Variants in GPRASP1 observed in about 807,000 individuals in gnomAD.
GPRASP1 encodes the protein G protein-coupled receptor-associated sorting protein 1.
GPRASP1 carries 28 observed loss-of-function variants against 68.4 expected under a neutral mutation model. That is an observed-to-expected ratio of 0.41 (90% CI 0.30 to 0.56). GPRASP1 has a LOEUF of 0.56. GPRASP1 is among the 20% of genes least tolerant of loss of function. The probability of loss-of-function intolerance (pLI) is 0.29; values close to 1 mark genes in which losing one functional copy is unlikely to be tolerated. For synonymous variants in GPRASP1, 304 were observed against 358.2 expected, an observed-to-expected ratio of 0.85 and a Z score of 1.71; for missense variants, 913 against 1,031.5, an observed-to-expected ratio of 0.89 and a Z score of 1.57.
In GPRASP1 at chrX:102,654,527, G is replaced by C; in HGVS notation, c.614G>C (p.Ser205Thr). The change falls in exon 6 of 6, where the codon AGT (serine) becomes ACT (threonine). Residue 205 changes from serine to threonine, a missense_variant. By Grantham distance (58) the Ser-to-Thr change is moderately conservative. Transcript: ENST00000537097. ...VDKSVSSLFWSGDEVTAKFHP... is the reference protein window; with the variant it reads ...VDKSVSSLFWTGDEVTAKFHP... ...AAATCTGTGAGTTCCTTGTTCTGGA[G>C]TGGAGATGAGGTCACTGCAAAATTT... 1 of 1,210,748 alleles carries C rather than the reference G, an allele frequency of 8.3e-7. No homozygotes were observed. Among genetic ancestry groups the C allele is most frequent in the Non-Finnish European group, 1.1e-6 (1 of 894,502 alleles).
At position 102,654,133 on chromosome X, in the gene GPRASP1, G is replaced by A. The variant is rs201819904; in HGVS notation, c.220G>A (p.Ala74Thr). ...AGTTGAGACAAGTGCAGTGGGTGGG[G>A]CACGCCCTAAGAGTAAGGCCAAGGC... ...TKVETSAVGGARPKSKAKAIP... is the reference protein window; with the variant it reads ...TKVETSAVGGTRPKSKAKAIP... The change falls in exon 6 of 6, where the codon GCA becomes ACA. Residue 74 changes from alanine to threonine, a missense_variant. Physicochemically the swap from Ala to Thr is moderately conservative, Grantham distance 58. Transcript: ENST00000537097. 1 of 1,210,363 alleles carries A rather than the reference G, an allele frequency of 8.3e-7. No homozygotes were observed. The highest frequency in any genetic ancestry group is 1.7e-5 in the African/African-American group (1 of 57,469).
intron 5 of GPRASP1, 69 bp downstream of exon 5, chrX:102,653,367 G>C (rs1476559366): frequency 8.8e-6 from 1 of 113,598 alleles, no homozygotes; most frequent in Non-Finnish European, 1.8e-5. Context: ...GAGTGCTTAG[G>C]GTCCAATCTG....
Position 102,656,718 on chromosome X carries a change from G to A in GPRASP1, c.2805G>A (p.Met935Ile), listed in dbSNP as rs781515375. ...CCAAGCCAGAGGATGATGAAGAGAT[G>A]ATTGTTGAGTCCTGGTTCTGGTCTA... ...CVSKPEDDEE[M>I]IVESWFWSRD... Residue 935 changes from methionine (M) to isoleucine (I), a missense_variant, in exon 6 of 6, where the codon ATG (methionine) becomes ATA (isoleucine). Physicochemically the swap from Met to Ile is conservative, Grantham distance 10. Coordinates refer to ENST00000537097, the MANE Select transcript of GPRASP1 (RefSeq NM_001184727.2). 1.3e-5 allele frequency: 16 copies of A among 1,209,005 alleles called. No individual in the cohort carries two copies. The highest frequency in any genetic ancestry group is 1.8e-5 in the Non-Finnish European group (16 of 894,706).
rs144517011 is a variant in GPRASP1 at position 102,656,973 on chromosome X, C to G, written c.3060C>G (p.Pro1020=). 8.3e-6 allele frequency: 10 copies of G among 1,209,243 alleles called. No individual in the cohort carries two copies. The highest frequency in any genetic ancestry group is 1.1e-5 in the Non-Finnish European group (10 of 894,833). ...DEAHFESNPS[P]VFRAICRSTC... ...CCCATTTTGAATCAAATCCTAGCCC[C>G]GTGTTCAGGGCCATTTGCAGGTCCA... The change falls in exon 6 of 6, where the codon CCC becomes CCG. Residue 1020 remains proline (P), a synonymous_variant. Transcript: ENST00000537097.
rs938746774 is a variant in GPRASP1, at chrX:102,656,400, C to T, written c.2487C>T (p.Cys829=). 8.3e-7 allele frequency: 1 copy of T among 1,206,947 alleles called. No homozygotes were observed. Residue 829 remains cysteine, a synonymous_variant, in exon 6 of 6, where the codon TGC becomes TGT. Coordinates refer to ENST00000537097, the MANE Select transcript of GPRASP1 (RefSeq NM_001184727.2). ...EETIRREAGS[C]SKSSPKAEEE... is the part of the protein sequence containing the mutation. ...CCATTAGAAGAGAGGCTGGGTCTTG[C>T]AGCAAATCCAGTCCTAAAGCTGAAG...
intron 2 of GPRASP1, 44 bp downstream of exon 2, chrX:102,651,777 G>A (rs1019451792): frequency 8.9e-6 from 1 of 112,841 alleles, no homozygotes; most frequent in Non-Finnish European, 1.9e-5. Context: ...GGCGGTGACT[G>A]GTGCGGGCCA....
chrX:102,654,956 T>C lies in GPRASP1; in HGVS notation c.1043T>C (p.Ile348Thr), dbSNP rs1186429918. 1.7e-6 allele frequency: 2 copies of C among 1,209,066 alleles called. No individual in the cohort carries two copies. The highest frequency in any genetic ancestry group is 2.2e-5 in the Admixed American group (1 of 45,834). Residue 348 changes from isoleucine to threonine, a missense_variant, in exon 6 of 6, where the codon ATA becomes ACA. Ile to Thr is a moderately conservative substitution (Grantham distance 89). Transcript: ENST00000537097. ...EACIDFMPGS[I>T]DVIKKESCFW... Reference sequence around the variant, plus strand: ...TGCATTGATTTCATGCCTGGGTCTATAGATGTAATTAAAAAAGAGTCCTGT... The same window carrying C: ...TGCATTGATTTCATGCCTGGGTCTACAGATGTAATTAAAAAAGAGTCCTGT...
Position 102,657,317 on chromosome X carries a change from C to T in GPRASP1, c.3404C>T (p.Thr1135Ile). 1.7e-6 allele frequency: 2 copies of T among 1,211,188 alleles called. No individual in the cohort carries two copies. Among genetic ancestry groups the T allele is most frequent in the Non-Finnish European group, 2.2e-6 (2 of 895,081 alleles). The change falls in exon 6 of 6, where the codon ACA becomes ATA. Residue 1135 changes from threonine (T) to isoleucine (I), a missense_variant. Coordinates refer to ENST00000537097, the MANE Select transcript of GPRASP1 (RefSeq NM_001184727.2). Reference protein sequence around the residue: ...IREHLRAKESTEPESSSCNCI... With the variant: ...IREHLRAKESIEPESSSCNCI... Reference sequence around the variant, plus strand: ...GAGCATCTTAGGGCCAAGGAGAGTACAGAGCCTGAGAGTTCATCCTGTAAC... The same window carrying T: ...GAGCATCTTAGGGCCAAGGAGAGTATAGAGCCTGAGAGTTCATCCTGTAAC...
intron 2 of GPRASP1, among the ~76,000 whole-genome samples, 197 bp downstream of exon 2, chrX:102,651,930 G>A (rs1476372608): frequency 1.8e-5 from 2 of 112,657 alleles, no homozygotes; most frequent in East Asian, 2.8e-4. Context: ...CGGCTGTGGG[G>A]GAGGCTCCTG....
Position 102,655,467 on chromosome X carries a change from T to C in GPRASP1, c.1554T>C (p.Phe518=). 8.3e-7 allele frequency: 1 copy of C among 1,211,266 alleles called. No individual in the cohort carries two copies. Among genetic ancestry groups the C allele is most frequent in the Non-Finnish European group, 1.1e-6 (1 of 895,255 alleles). Residue 518 remains phenylalanine, a synonymous_variant, in exon 6 of 6, where the codon TTT becomes TTC. Coordinates refer to ENST00000537097, the MANE Select transcript of GPRASP1 (RefSeq NM_001184727.2). ...VNQEAEEETI[F]GSWFWVIDAA... is the part of the protein sequence containing the mutation. The stretch of plus-strand genomic sequence containing the variant: ...AAGAGGCTGAGGAAGAGACCATTTT[T>C]GGGTCGTGGTTCTGGGTCATTGATG...
chrX:102,654,019 G>C lies in GPRASP1; in HGVS notation c.106G>C (p.Val36Leu). Residue 36 changes from valine (V) to leucine (L), a missense_variant, in exon 6 of 6, where the codon GTC becomes CTC. Val to Leu is a conservative substitution (Grantham distance 32, BLOSUM62 1). Transcript: ENST00000537097. ...AEIENDVPLV[V>L]RPKVRTQAQI... Reference sequence around the variant, plus strand: ...GATAGAGAATGATGTCCCTCTGGTGGTCAGACCCAAGGTTAGGACCCAGGC... The same window carrying C: ...GATAGAGAATGATGTCCCTCTGGTGCTCAGACCCAAGGTTAGGACCCAGGC... 1 of 1,211,507 alleles carries C rather than the reference G, an allele frequency of 8.3e-7. No individual in the cohort carries two copies. Among genetic ancestry groups the C allele is most frequent in the Non-Finnish European group, 1.1e-6 (1 of 894,967 alleles).
In GPRASP1 at chrX:102,657,113, CCTT is replaced by C; in HGVS notation, c.3201_3203del (p.Phe1068del). ...AGGGTCGGCTTCCCATCTATAAGCCCCTTTAGATTTCCGAAAGAGGCAGCATCT... is the reference window on the plus strand; with the variant it reads ...AGGGTCGGCTTCCCATCTATAAGCCCTAGATTTCCGAAAGAGGCAGCATCT... On this transcript the variant is annotated inframe_deletion, in exon 6 of 6. Transcript: ENST00000537097. 8.3e-7 allele frequency: 1 copy of C among 1,209,584 alleles called. No homozygotes were observed. Among genetic ancestry groups the C allele is most frequent in the Non-Finnish European group, 1.1e-6 (1 of 893,734 alleles).
chrX:102,654,594 C>T lies in GPRASP1; in HGVS notation c.681C>T (p.His227=). 8.3e-7 allele frequency: 1 copy of T among 1,209,780 alleles called. No homozygotes were observed. Among genetic ancestry groups the T allele is most frequent in the Non-Finnish European group, 1.1e-6 (1 of 893,704 alleles). The part of the protein sequence containing the change: ...NRVKDSNRSM[H]MANQEANTMS... Reference sequence around the variant, plus strand: ...TAAAAGACAGTAACAGATCCATGCACATGGCCAATCAAGAGGCTAATACCA... The same window carrying T: ...TAAAAGACAGTAACAGATCCATGCATATGGCCAATCAAGAGGCTAATACCA... The change falls in exon 6 of 6, where the codon CAC becomes CAT. Residue 227 remains histidine (H), a synonymous_variant. Coordinates refer to ENST00000537097, the MANE Select transcript of GPRASP1 (RefSeq NM_001184727.2).
Position 102,656,684 on chromosome X carries a change from G to A in GPRASP1, c.2771G>A (p.Cys924Tyr). The change falls in exon 6 of 6, where the codon TGC becomes TAC. Residue 924 changes from cysteine (C) to tyrosine (Y), a missense_variant. Transcript: ENST00000537097. ...GKEVSEEAGP[C>Y]CVSKPEDDEE... Reference sequence around the variant, plus strand: ...GAAGTCAGTGAAGAAGCAGGACCATGCTGTGTATCCAAGCCAGAGGATGAT... The same window carrying A: ...GAAGTCAGTGAAGAAGCAGGACCATACTGTGTATCCAAGCCAGAGGATGAT... 1.2e-5 allele frequency: 15 copies of A among 1,210,847 alleles called. No individual in the cohort carries two copies. The highest frequency in any genetic ancestry group is 1.7e-5 in the Non-Finnish European group (15 of 894,697).
chrX:102,653,854 G>A lies in GPRASP1; in HGVS notation c.-60G>A. ...GAAGAAACAAACCTGTGACAGATCT[G>A]TGGTTGAGGTTTAGACTGGGGGAGG... On this transcript the variant is annotated 5_prime_UTR_variant, in exon 6 of 6. In the 5' UTR this introduces an upstream ATG that the reference lacks. Coordinates refer to ENST00000537097, the MANE Select transcript of GPRASP1 (RefSeq NM_001184727.2). The A allele has an allele frequency of 1.1e-6, 1 of 896,367 alleles. No homozygotes were observed. Among genetic ancestry groups the A allele is most frequent in the Non-Finnish European group, 1.6e-6 (1 of 630,525 alleles). The allele number at this position is 896,367 out of a possible 1,213,427, so 73.9% of individuals were successfully genotyped here.
In GPRASP1 at chrX:102,657,976, T is replaced by C; in HGVS notation, c.4063T>C (p.Phe1355Leu). Reference sequence around the variant, plus strand: ...CAACAATATCAAAAAAGAAACAGTGTTCTCTGATGATGATTTCAATATTGA... The same window carrying C: ...CAACAATATCAAAAAAGAAACAGTGCTCTCTGATGATGATTTCAATATTGA... ...IGNNIKKETV[F>L]SDDDFNIEPL... Residue 1355 changes from phenylalanine (F) to leucine (L), a missense_variant, in exon 6 of 6, where the codon TTC becomes CTC. Transcript: ENST00000537097. 1 of 1,181,091 alleles carries C rather than the reference T, an allele frequency of 8.5e-7. No homozygotes were observed. The highest frequency in any genetic ancestry group is 1.2e-6 in the Non-Finnish European group (1 of 867,889).
In GPRASP1 at chrX:102,656,556, TGAA is replaced by T. The variant is rs776079931; in HGVS notation, c.2651_2653del (p.Glu884del). The T allele has an allele frequency of 2.1e-5, 25 of 1,207,332 alleles. No homozygotes were observed. Among genetic ancestry groups the T allele is most frequent in the Admixed American group, 6.6e-5 (3 of 45,591 alleles). On this transcript the variant is annotated inframe_deletion, in exon 6 of 6. Coordinates refer to ENST00000537097, the MANE Select transcript of GPRASP1 (RefSeq NM_001184727.2). ...TCACTGTTGGGTCCTGGTTCTGGCCTGAAGAAGAAGCCAGTATACAGGCTGGAT... is the reference window on the plus strand; with the variant it reads ...TCACTGTTGGGTCCTGGTTCTGGCCTGAAGAAGCCAGTATACAGGCTGGAT...
rs992835006 is a variant in GPRASP1 at position 102,657,057 on chromosome X, C to T, written c.3144C>T (p.Val1048=). The part of the protein sequence containing the change: ...PSRRPQSWEE[V]TVQFKPGPWG... Reference sequence around the variant, plus strand: ...GCAGGCCTCAGAGTTGGGAGGAGGTCACTGTTCAGTTCAAGCCTGGTCCAT... The same window carrying T: ...GCAGGCCTCAGAGTTGGGAGGAGGTTACTGTTCAGTTCAAGCCTGGTCCAT... Residue 1048 remains valine, a synonymous_variant, in exon 6 of 6, where the codon GTC becomes GTT. Coordinates refer to ENST00000537097, the MANE Select transcript of GPRASP1 (RefSeq NM_001184727.2). 14 of 1,209,189 alleles carry T rather than the reference C, an allele frequency of 1.2e-5. No homozygotes were observed. Among genetic ancestry groups the T allele is most frequent in the African/African-American group, 1.8e-5 (1 of 57,091 alleles).
At position 102,654,848 on chromosome X, in the gene GPRASP1, G is replaced by A. The variant is rs2081391939; in HGVS notation, c.935G>A (p.Gly312Glu). Reference sequence around the variant, plus strand: ...CATTTGGAGTCCTGGTTTGGGGCTGGAAAGGAGGCCAAATTCAGGTCCAAA... The same window carrying A: ...CATTTGGAGTCCTGGTTTGGGGCTGAAAAGGAGGCCAAATTCAGGTCCAAA... ...EDHLESWFGA[G>E]KEAKFRSKMR... is the part of the protein sequence containing the mutation. The change falls in exon 6 of 6, where the codon GGA becomes GAA. Residue 312 changes from glycine (G) to glutamate (E), a missense_variant. Coordinates refer to ENST00000537097, the MANE Select transcript of GPRASP1 (RefSeq NM_001184727.2). The A allele has an allele frequency of 9.1e-6, 11 of 1,209,744 alleles. No homozygotes were observed. The South Asian group carries it at 1.2e-4, about 14-fold the overall frequency.
Sources: gnomAD v4.1 joint callset for allele counts (sites outside exome capture counted in the v4.1 genomes callset) on GRCh38, gnomAD v4.1.1 for gene constraint, MANE v1.5 for transcripts, NCBI Gene and HGNC (gene_info 2026-07-23, HGNC 2026-07-21) for gene names.